Variants in TAOK3 observed in about 807,000 individuals in gnomAD.
TAOK3 encodes the protein serine/threonine-protein kinase TAO3.
In TAOK3, 40 loss-of-function variants were observed where a neutral mutation model predicts 120.4. That is an observed-to-expected ratio of 0.33 (90% CI 0.26 to 0.43). The LOEUF (loss-of-function observed/expected upper bound fraction) is 0.43. Among genes scored for constraint, TAOK3 ranks in the 20% least tolerant of loss-of-function variants. The pLI is 1.00. For synonymous variants in TAOK3, 355 were observed against 387.5 expected (o/e 0.92, Z 0.99); for missense variants, 821 against 1,112.1 (o/e 0.74, Z 3.72).
chr12:118,353,961 A>G (rs1001397433), intron 1 of TAOK3, among the ~76,000 whole-genome samples: 1 of 152,212 alleles, frequency 6.6e-6, no homozygotes, highest in African/African-American at 2.4e-5. Flanking sequence ...TTGCTAACAC[A>G]TCCCTATGAA....
At chr12:118,277,133 A>C (rs1387322078) in intron 1 of TAOK3, among the ~76,000 whole-genome samples, 2 of 152,252 alleles carry the variant, frequency 1.3e-5, no homozygotes, top group Non-Finnish European at 2.9e-5. Context: ...TTTTGTTGAT[A>C]CAATAACTTC....
chr12:118,288,540 G>A (rs796711775), intron 1 of TAOK3, among the ~76,000 whole-genome samples: 10 of 152,282 alleles, frequency 6.6e-5, no homozygotes, highest in African/African-American at 2.4e-4. Flanking sequence ...CCAAAACTGT[G>A]AGAAAGTAAA....
chr12:118,219,878 T>C (rs1285654577), intron 9 of TAOK3, among the ~76,000 whole-genome samples: 1 of 146,084 alleles, frequency 6.8e-6, no homozygotes, highest in Non-Finnish European at 1.5e-5. Context: ...CCTCCCAAAG[T>C]GCTGGGATTA....
intron 5 of TAOK3, among the ~76,000 whole-genome samples, chr12:118,242,882 A>ACAAACAAACAAAAT (rs1555229407): frequency 6.7e-6 from 1 of 148,982 alleles, no homozygotes; most frequent in Non-Finnish European, 1.5e-5. Flanking sequence ...AAACAAACAA[A>ACAAACAAACAAAAT]ATATATATAT....
rs1174149453 is a variant in TAOK3 at position 118,294,655 on chromosome 12, A to T, written c.-193-27896T>A. On this transcript the variant is annotated intron_variant, in intron 1 of 20. Transcript: ENST00000392533. ...TGCCTCGGCCTCCCAAAGTGTTGGGATTACCTGCACCCAGCCTAGAATTTC... is the reference window on the plus strand; with the variant it reads ...TGCCTCGGCCTCCCAAAGTGTTGGGTTTACCTGCACCCAGCCTAGAATTTC... Among the ~76,000 whole-genome samples, 5 of 152,146 alleles carry T rather than the reference A, an allele frequency of 3.3e-5. No homozygotes were observed. The East Asian group carries it at 7.7e-4, about 23-fold the overall frequency.
chr12:118,257,087 T>C lies in TAOK3; in HGVS notation c.-88-1432A>G, dbSNP rs376183437. On this transcript the variant is annotated intron_variant, in intron 2 of 20. Coordinates refer to ENST00000392533, the MANE Select transcript of TAOK3 (RefSeq NM_016281.4). Reference sequence around the variant, plus strand: ...TAATGACTTTACTGTCTTAATTTTATAGAACCAACTAAGACTTTGATGGGC... The same window carrying C: ...TAATGACTTTACTGTCTTAATTTTACAGAACCAACTAAGACTTTGATGGGC... Among the ~76,000 whole-genome samples the C allele has an allele frequency of 5.8e-4, 88 of 152,330 alleles. 1 individual carries two copies. The South Asian group carries it at 0.018, about 31-fold the overall frequency.
In TAOK3 at chr12:118,173,052, A is replaced by G. The variant is rs376621547; in HGVS notation, c.1696-392T>C. Among the ~76,000 whole-genome samples, 117 of 152,364 alleles carry G rather than the reference A, an allele frequency of 7.7e-4. 1 individual carries two copies. In the South Asian group the frequency reaches 0.021, roughly 28 times the overall value. On this transcript the variant is annotated intron_variant, in intron 16 of 20. Transcript: ENST00000392533. ...TAAAGAACCGCAGAAATGAACTAAAAATTACTGTGATCACTGCTTTGAAGA... is the reference window on the plus strand; with the variant it reads ...TAAAGAACCGCAGAAATGAACTAAAGATTACTGTGATCACTGCTTTGAAGA...
At chr12:118,335,818 G>C (rs2044347494) in intron 1 of TAOK3, among the ~76,000 whole-genome samples, 1 of 152,112 alleles carries the variant, frequency 6.6e-6, no homozygotes, top group Non-Finnish European at 1.5e-5. Flanking sequence ...GACAGAGTGA[G>C]ACTTTATCTC....
intron 2 of TAOK3, 150 bp downstream of exon 2, chr12:118,266,505 G>T (rs1435237095): frequency 1.2e-5 from 4 of 345,556 alleles, no homozygotes; most frequent in Admixed American, 4.7e-5. Flanking sequence ...CCCGGCCAAA[G>T]ATTTTTATAA....
At chr12:118,218,752 C>T (rs1314155066) in intron 9 of TAOK3, among the ~76,000 whole-genome samples, 3 of 152,012 alleles carry the variant, frequency 2.0e-5, no homozygotes, top group Non-Finnish European at 2.9e-5. Context: ...TTTAAAACCA[C>T]GTGGAAGCCT....
At position 118,199,103 on chromosome 12, in the gene TAOK3, A is replaced by T. The variant is rs1487819925; in HGVS notation, c.1142T>A (p.Met381Lys). 3 of 1,614,212 alleles carry T rather than the reference A, an allele frequency of 1.9e-6. No homozygotes were observed. In the Admixed American group the frequency reaches 5.0e-5, roughly 27 times the overall value. ...ATTGATTGTGCTTTCGTCATCGTGCATCATGACAAGTTCGGAACTGCTCTC... is the reference window on the plus strand; with the variant it reads ...ATTGATTGTGCTTTCGTCATCGTGCTTCATGACAAGTTCGGAACTGCTCTC... The part of the protein sequence containing the change: ...MDESSSELVM[M>K]HDDESTINSS... The change falls in exon 13 of 21, where the codon ATG becomes AAG. Residue 381 changes from methionine to lysine, a missense_variant. Transcript: ENST00000392533.
chr12:118,305,839 G>T (rs1465457982), intron 1 of TAOK3, among the ~76,000 whole-genome samples: 1 of 146,522 alleles, frequency 6.8e-6, no homozygotes, highest in South Asian at 2.2e-4. Context: ...GGGAGGCAGA[G>T]TTTGCATGAG....
At chr12:118,180,800 AC>A (rs1334968231) in intron 15 of TAOK3, among the ~76,000 whole-genome samples, 1 of 151,884 alleles carries the variant, frequency 6.6e-6, no homozygotes, top group East Asian at 1.9e-4. Context: ...CTTTACTTGT[AC>A]CCAGGCCACC....
At chr12:118,244,356 T>A (rs1363197802) in intron 4 of TAOK3, among the ~76,000 whole-genome samples, 1 of 151,864 alleles carries the variant, frequency 6.6e-6, no homozygotes, top group Non-Finnish European at 1.5e-5. Flanking sequence ...AGCCACCTCA[T>A]CCAGCCTGCA....
At chr12:118,242,795 G>A (rs2139986563) in intron 5 of TAOK3, among the ~76,000 whole-genome samples, 1 of 152,230 alleles carries the variant, frequency 6.6e-6, no homozygotes. Context: ...AGGAGGCAGA[G>A]GTTGTAGTCA....
intron 1 of TAOK3, among the ~76,000 whole-genome samples, chr12:118,320,573 T>C (rs986175089): frequency 2.8e-4 from 42 of 152,318 alleles, no homozygotes; most frequent in Middle Eastern, 3.4e-3. Flanking sequence ...TAATTAGTAA[T>C]AGTTATGATT....
At chr12:118,315,489 C>CA (rs2043424740) in intron 1 of TAOK3, among the ~76,000 whole-genome samples, 2 of 151,890 alleles carry the variant, frequency 1.3e-5, no homozygotes, top group Admixed American at 1.3e-4. Flanking sequence ...AATAAGAGTA[C>CA]AAATGGTAAA....
intron 1 of TAOK3, among the ~76,000 whole-genome samples, chr12:118,355,241 CAAA>C (rs1173986835): frequency 6.6e-6 from 1 of 151,874 alleles, no homozygotes; most frequent in East Asian, 1.9e-4. Context: ...GTCACCAAAA[CAAA>C]AAAAATTTTT....
intron 1 of TAOK3, among the ~76,000 whole-genome samples, chr12:118,345,270 T>C (rs995847071): frequency 1.3e-5 from 2 of 152,186 alleles, no homozygotes; most frequent in Non-Finnish European, 2.9e-5. Context: ...GGCTGAAATA[T>C]AGTCTTCAAA....
Sources: allele counts gnomAD v4.1 joint callset (sites outside exome capture counted in the v4.1 genomes callset), GRCh38; gene constraint gnomAD v4.1.1; transcripts MANE v1.5; gene names NCBI Gene and HGNC (gene_info 2026-07-23, HGNC 2026-07-21).